Variants in BAG3 observed in about 807,000 individuals in gnomAD.
BAG3 encodes the protein BAG cochaperone 3, also known as BAG family molecular chaperone regulator 3.
BAG3 carries 14 observed loss-of-function variants against 40.5 expected under a neutral mutation model. The observed-to-expected ratio is 0.35, with a 90% CI of 0.23 to 0.54. The LOEUF is 0.54. BAG3 is among the 20% of genes least tolerant of loss of function. The probability of loss-of-function intolerance (pLI) is 0.91; values close to 1 mark genes in which losing one functional copy is unlikely to be tolerated. For synonymous variants in BAG3, 302 were observed against 307.8 expected (o/e 0.98, Z 0.20); for missense variants, 788 against 758.6 (o/e 1.04, Z -0.46).
At chr10:119,675,079 C>A (rs1390718240) in intron 3 of BAG3, among the ~76,000 whole-genome samples, 2 of 152,132 alleles carry the variant, frequency 1.3e-5, no homozygotes, top group Non-Finnish European at 2.9e-5. Flanking sequence ...CACCTATAAT[C>A]CTAGCACTTT....
At chr10:119,657,122 G>A (rs1846924692) in intron 1 of BAG3, among the ~76,000 whole-genome samples, 1 of 152,136 alleles carries the variant, frequency 6.6e-6, no homozygotes, top group African/African-American at 2.4e-5. Context: ...ATGTTGGCCT[G>A]TTTCTTGAAC....
intron 1 of BAG3, among the ~76,000 whole-genome samples, chr10:119,653,113 T>G (rs527450310): frequency 5.9e-5 from 9 of 152,236 alleles, no homozygotes; most frequent in Non-Finnish European, 1.3e-4. Context: ...TTATGCACTT[T>G]TTGTTTTAAC....
At chr10:119,653,870 G>A (rs1327276766) in intron 1 of BAG3, among the ~76,000 whole-genome samples, 2 of 152,188 alleles carry the variant, frequency 1.3e-5, no homozygotes, top group Non-Finnish European at 2.9e-5. Flanking sequence ...TTGGGAAACT[G>A]AGGCATGCAG....
Position 119,670,130 on chromosome 10 carries a change from G to A in BAG3, c.460G>A (p.Val154Met), listed in dbSNP as rs376198104. The change falls in exon 2 of 4, where the codon GTG (valine) becomes ATG (methionine). Residue 154 changes from valine (V) to methionine (M), a missense_variant. Coordinates refer to ENST00000369085, the MANE Select transcript of BAG3 (RefSeq NM_004281.4). Reference protein sequence around the residue: ...TTQPDKQCGQVAAAAAAQPPA... With the variant: ...TTQPDKQCGQMAAAAAAQPPA... ...TCAGCCAGATAAACAGTGTGGACAG[G>A]TGGCAGCGGCGGCGGCAGCCCAGCC... 37 of 1,612,858 alleles carry A rather than the reference G, an allele frequency of 2.3e-5. No homozygotes were observed. In the South Asian group the frequency reaches 4.1e-4, roughly 18 times the overall value.
At chr10:119,665,672 C>A (rs1304119846) in intron 1 of BAG3, among the ~76,000 whole-genome samples, 2 of 152,154 alleles carry the variant, frequency 1.3e-5, no homozygotes, top group Non-Finnish European at 2.9e-5. Context: ...CATCAGCATT[C>A]CTGGCATAGA....
chr10:119,670,013 C>T lies in BAG3; in HGVS notation c.343C>T (p.Pro115Ser), dbSNP rs774241343. The T allele has an allele frequency of 1.1e-5, 17 of 1,614,126 alleles. No homozygotes were observed. The Middle Eastern group carries it at 4.9e-4, about 47-fold the overall frequency. ...NRQVHPFHVY[P>S]QPGMQRFRTE... ...GCAGGTGCACCCTTTCCATGTCTAT[C>T]CCCAGCCTGGGATGCAGCGATTCCG... The change falls in exon 2 of 4, where the codon CCC (proline) becomes TCC (serine). Residue 115 changes from proline (P) to serine (S), a missense_variant. Pro to Ser is a moderately conservative substitution (Grantham distance 74, BLOSUM62 -1). Transcript: ENST00000369085.
chr10:119,659,328 A>C (rs923033898), intron 1 of BAG3, among the ~76,000 whole-genome samples: 16 of 152,210 alleles, frequency 1.1e-4, no homozygotes, highest in Admixed American at 9.8e-4. Flanking sequence ...GGTCTCCCTC[A>C]GCTGTGTCTG....
chr10:119,652,052 G>C (rs1304542283), intron 1 of BAG3, among the ~76,000 whole-genome samples, 197 bp downstream of exon 1: 1 of 152,036 alleles, frequency 6.6e-6, no homozygotes, highest in Non-Finnish European at 1.5e-5. Context: ...ACCCGCCCTT[G>C]ACAGGCGTCG....
At position 119,676,767 on chromosome 10, in the gene BAG3, G is replaced by T. The variant is rs1416464425; in HGVS notation, c.1213G>T (p.Ala405Ser). The stretch of plus-strand genomic sequence containing the variant: ...AGCCCCCAGCACTGCCCCTGCAGAA[G>T]CTACACCTCCAAAACCAGGAGAAGC... ...RAAPSTAPAE[A>S]TPPKPGEAEA... is the part of the protein sequence containing the mutation. The change falls in exon 4 of 4, where the codon GCT (alanine) becomes TCT (serine). Residue 405 changes from alanine (A) to serine (S), a missense_variant. Coordinates refer to ENST00000369085, the MANE Select transcript of BAG3 (RefSeq NM_004281.4). 1 of 1,614,162 alleles carries T rather than the reference G, an allele frequency of 6.2e-7. No homozygotes were observed. The highest frequency in any genetic ancestry group is 8.5e-7 in the Non-Finnish European group (1 of 1,180,042).
At chr10:119,666,096 C>T (rs534846884) in intron 1 of BAG3, among the ~76,000 whole-genome samples, 1 of 152,306 alleles carries the variant, frequency 6.6e-6, no homozygotes, top group South Asian at 2.1e-4. Flanking sequence ...TTTCTGGGTG[C>T]CCTTTACCCT....
intron 1 of BAG3, chr10:119,656,542 A>C (rs1016316046): frequency 6.6e-6 from 1 of 152,180 alleles, no homozygotes; most frequent in Admixed American, 6.5e-5. Flanking sequence ...CACCATGCCC[A>C]TCAGCCGGCC....
At chr10:119,671,337 A>G (rs1847147494) in intron 2 of BAG3, among the ~76,000 whole-genome samples, 1 of 152,238 alleles carries the variant, frequency 6.6e-6, no homozygotes, top group African/African-American at 2.4e-5. Flanking sequence ...GCCTATATTT[A>G]TAATGGTTTT....
At chr10:119,657,014 G>T (rs1343637715) in intron 1 of BAG3, among the ~76,000 whole-genome samples, 1 of 152,052 alleles carries the variant, frequency 6.6e-6, no homozygotes, top group East Asian at 1.9e-4. Flanking sequence ...AGCGGGCCTG[G>T]CTGCTTTATA....
At chr10:119,653,938 C>T (rs1210541439) in intron 1 of BAG3, among the ~76,000 whole-genome samples, 4 of 152,166 alleles carry the variant, frequency 2.6e-5, no homozygotes, top group Non-Finnish European at 4.4e-5. Flanking sequence ...GGGTCACTGA[C>T]CTCTGTGCTG....
chr10:119,666,151 G>A (rs1043201557), intron 1 of BAG3, among the ~76,000 whole-genome samples: 2 of 151,944 alleles, frequency 1.3e-5, no homozygotes, highest in Admixed American at 6.6e-5. Context: ...CCTCCCTGAC[G>A]TCCTTCTTCA....
chr10:119,663,138 G>A lies in BAG3; in HGVS notation c.181-6713G>A, dbSNP rs549160104. Among the ~76,000 whole-genome samples, 13 of 152,346 alleles carry A rather than the reference G, an allele frequency of 8.5e-5. No homozygotes were observed. The South Asian group carries it at 2.5e-3, about 29-fold the overall frequency. On this transcript the variant is annotated intron_variant, in intron 1 of 3. Coordinates refer to ENST00000369085, the MANE Select transcript of BAG3 (RefSeq NM_004281.4). ...GGGAGTCAGTTGTGGGTGGGTCAAG[G>A]TAGATTCTTCTCCACGGCTCTTTCA...
chr10:119,673,507 T>G (rs1344364588), intron 3 of BAG3, among the ~76,000 whole-genome samples: 3 of 152,178 alleles, frequency 2.0e-5, no homozygotes, highest in Non-Finnish European at 4.4e-5. Context: ...GAAGAGGATG[T>G]CATTTAGTTT....
At chr10:119,661,672 T>TCCAGTAG (rs762785741) in intron 1 of BAG3, among the ~76,000 whole-genome samples, 2 of 152,114 alleles carry the variant, frequency 1.3e-5, no homozygotes, top group Non-Finnish European at 2.9e-5. Flanking sequence ...AGATAAAGCC[T>TCCAGTAG]CCAGTAGCCT....
At chr10:119,655,092 A>G (rs1292627595) in intron 1 of BAG3, among the ~76,000 whole-genome samples, 1 of 152,204 alleles carries the variant, frequency 6.6e-6, no homozygotes, top group Admixed American at 6.5e-5. Context: ...ATGGCCAGTG[A>G]TCCCATTTTG....
Sources: allele counts gnomAD v4.1 joint callset (sites outside exome capture counted in the v4.1 genomes callset), GRCh38; gene constraint gnomAD v4.1.1; transcripts MANE v1.5; gene names NCBI Gene and HGNC (gene_info 2026-07-23, HGNC 2026-07-21).